The following CMTM8 variants were observed in gnomAD, a reference collection of about 807,000 sequenced individuals.
CMTM8 encodes CKLF-like MARVEL transmembrane domain-containing protein 8.
Under a neutral mutation model 18.6 loss-of-function variants are expected in CMTM8, and 12 were observed. The ratio of observed to expected loss-of-function variants is 0.65; its 90% CI spans 0.41 to 1.05. The LOEUF is 1.05. Ranked by LOEUF, CMTM8 falls within the 50% of genes least tolerant of loss-of-function variation. The pLI, the probability that CMTM8 is intolerant of heterozygous loss-of-function variation, is 0.00. For missense variants in CMTM8, 217 were observed against 227.2 expected, an observed-to-expected ratio of 0.95 and a Z score of 0.29; for synonymous variants, 87 against 90.6, an observed-to-expected ratio of 0.96 and a Z score of 0.23.
At chr3:32,337,171 C>A (rs1324960341) in intron 1 of CMTM8, among the ~76,000 whole-genome samples, 2 of 152,180 alleles carry the variant, frequency 1.3e-5, no homozygotes, top group Non-Finnish European at 1.5e-5. Context: ...TCCCAAAGAT[C>A]CCACCTCTCA....
intron 1 of CMTM8, among the ~76,000 whole-genome samples, chr3:32,330,059 T>G (rs1696242081): frequency 6.6e-6 from 1 of 152,002 alleles, no homozygotes; most frequent in South Asian, 2.1e-4. Flanking sequence ...TACAAAACAC[T>G]GCTGAAAGAA....
At chr3:32,331,493 G>A (rs1320836008) in intron 1 of CMTM8, among the ~76,000 whole-genome samples, 1 of 148,094 alleles carries the variant, frequency 6.8e-6, no homozygotes, top group Admixed American at 6.8e-5. Flanking sequence ...TTAAAGACAG[G>A]ATCTTTGAAT....
intron 1 of CMTM8, among the ~76,000 whole-genome samples, chr3:32,354,957 C>A (rs1302509254): frequency 2.6e-5 from 4 of 152,162 alleles, no homozygotes; most frequent in African/African-American, 9.7e-5. Context: ...CGGATGTAAA[C>A]ACAAAAGCAC....
At chr3:32,285,361 A>G (rs1157952182) in intron 1 of CMTM8, among the ~76,000 whole-genome samples, 1 of 152,094 alleles carries the variant, frequency 6.6e-6, no homozygotes, top group Non-Finnish European at 1.5e-5. Context: ...CTAAAAATAC[A>G]AAAATCAACT....
chr3:32,258,927 G>A, intron 1 of CMTM8: 1 of 304,476 alleles, frequency 3.3e-6, no homozygotes, highest in Non-Finnish European at 6.4e-6. Flanking sequence ...CCACCCCACT[G>A]CCCCCGGACA....
intron 1 of CMTM8, among the ~76,000 whole-genome samples, chr3:32,322,961 C>T (rs941873205): frequency 1.3e-5 from 2 of 152,138 alleles, no homozygotes; most frequent in African/African-American, 4.8e-5. Context: ...GGTGGGACCT[C>T]ATGGGATGCT....
At chr3:32,289,346 AT>A (rs1377269688) in intron 1 of CMTM8, among the ~76,000 whole-genome samples, 4 of 152,240 alleles carry the variant, frequency 2.6e-5, no homozygotes, top group African/African-American at 4.8e-5. Flanking sequence ...AAGTTTGAGA[AT>A]GAACTCTGCT....
chr3:32,301,086 A>T (rs748812744), intron 1 of CMTM8, among the ~76,000 whole-genome samples: 33 of 152,212 alleles, frequency 2.2e-4, no homozygotes, highest in Non-Finnish European at 4.0e-4. Context: ...TTGTCCAGTT[A>T]AGATGGGAAG....
chr3:32,270,380 A>G (rs1481271950), intron 1 of CMTM8, among the ~76,000 whole-genome samples: 1 of 152,226 alleles, frequency 6.6e-6, no homozygotes, highest in East Asian at 1.9e-4. Flanking sequence ...GTATATACCC[A>G]AAGGAGTATA....
intron 1 of CMTM8, among the ~76,000 whole-genome samples, chr3:32,328,549 G>GA (rs1274680775): frequency 3.0e-3 from 216 of 73,122 alleles, no homozygotes; most frequent in Admixed American, 4.2e-3. Flanking sequence ...GACCAAAAAA[G>GA]AAAAAAAAAA....
Position 32,369,982 on chromosome 3 carries a change from A to C in CMTM8, c.*15A>C. On this transcript the variant is annotated 3_prime_UTR_variant, in exon 4 of 4. Coordinates refer to ENST00000307526, the MANE Select transcript of CMTM8 (RefSeq NM_178868.5). ...CCATACAGTGATTTACCATTTTGAT[A>C]ATTAAAAGGAAAAAAAAAGGAAGAC... 6.7e-7 allele frequency: 1 copy of C among 1,481,554 alleles called. No individual in the cohort carries two copies. The highest frequency in any genetic ancestry group is 9.3e-7 in the Non-Finnish European group (1 of 1,075,342). The allele number at this position is 1,481,554 out of a possible 1,614,324, so 91.8% of individuals were successfully genotyped here.
At position 32,319,057 on chromosome 3, in the gene CMTM8, C is replaced by CATACATATATATATATAT. The variant is rs1206855049; in HGVS notation, c.148-38313_148-38312insCATATATATATATATATA. 2.4e-4 allele frequency among the ~76,000 whole-genome samples: 11 copies of CATACATATATATATATAT among 45,884 alleles called. 1 individual carries two copies. Among genetic ancestry groups the CATACATATATATATATAT allele is most frequent in the African/African-American group, 1.1e-3 (11 of 10,176 alleles). The allele number at this position is 45,884 out of a possible 152,430, so 30.1% of individuals were successfully genotyped here. A position where few individuals can be genotyped will look rare whatever the true frequency, so the allele number is the denominator to read the frequency against. On this transcript the variant is annotated intron_variant, in intron 1 of 3. Coordinates refer to ENST00000307526, the MANE Select transcript of CMTM8 (RefSeq NM_178868.5). ...AAATTTATATATATGTGTGTATATA[C>CATACATATATATATATAT]ATATATATATATATATATTTTTTTT...
chr3:32,307,598 T>C (rs1695741837), intron 1 of CMTM8, among the ~76,000 whole-genome samples: 1 of 152,118 alleles, frequency 6.6e-6, no homozygotes, highest in Non-Finnish European at 1.5e-5. Context: ...TGTGTAGGTA[T>C]GTAGCTTGAA....
chr3:32,352,022 C>G (rs1045687297), intron 1 of CMTM8, among the ~76,000 whole-genome samples: 4 of 151,574 alleles, frequency 2.6e-5, no homozygotes, highest in Non-Finnish European at 4.4e-5. Context: ...ACTAAAAATA[C>G]AAAAAATTAG....
chr3:32,289,425 T>C (rs768668683), intron 1 of CMTM8, among the ~76,000 whole-genome samples: 1 of 152,078 alleles, frequency 6.6e-6, no homozygotes, highest in African/African-American at 2.4e-5. Flanking sequence ...ATCAGGAAGC[T>C]TCAGAGAGCC....
chr3:32,295,484 C>CAA (rs1702862754), intron 1 of CMTM8, among the ~76,000 whole-genome samples: 2 of 86,398 alleles, frequency 2.3e-5, no homozygotes, highest in Non-Finnish European at 4.3e-5. Context: ...AAAAACAAAA[C>CAA]AAAACAGCGG....
chr3:32,356,647 A>ATC (rs1440582119), intron 1 of CMTM8, among the ~76,000 whole-genome samples: 1 of 152,176 alleles, frequency 6.6e-6, no homozygotes, highest in Non-Finnish European at 1.5e-5. Flanking sequence ...ACCACATGTT[A>ATC]CTGGCCATCT....
intron 1 of CMTM8, among the ~76,000 whole-genome samples, chr3:32,266,246 C>T (rs1225062113): frequency 1.6e-4 from 24 of 152,154 alleles, no homozygotes; most frequent in Admixed American, 1.6e-3. Context: ...CATCAAAAAG[C>T]TTATCCACCA....
In CMTM8 at chr3:32,238,735, C is replaced by T. The variant is rs927451843; in HGVS notation, c.-238C>T. 4 of 212,352 alleles carry T rather than the reference C, an allele frequency of 1.9e-5. No individual in the cohort carries two copies. The highest frequency in any genetic ancestry group is 7.0e-5 in the African/African-American group (3 of 42,640). The allele number at this position is 212,352 out of a possible 1,614,324, so 13.2% of individuals were successfully genotyped here. A position where few individuals can be genotyped will look rare whatever the true frequency, so the allele number is the denominator to read the frequency against. ...GCCTCCCCTCGCTCGCTCTCCTCTTCCTCTAGGGCCCCAGCGCAGCTCGGG... is the reference window on the plus strand; with the variant it reads ...GCCTCCCCTCGCTCGCTCTCCTCTTTCTCTAGGGCCCCAGCGCAGCTCGGG... On this transcript the variant is annotated 5_prime_UTR_variant, in exon 1 of 4. Coordinates refer to ENST00000307526, the MANE Select transcript of CMTM8 (RefSeq NM_178868.5).
Sources: gnomAD v4.1 joint callset for allele counts (sites outside exome capture counted in the v4.1 genomes callset) on GRCh38, gnomAD v4.1.1 for gene constraint, MANE v1.5 for transcripts, NCBI Gene and HGNC (gene_info 2026-07-23, HGNC 2026-07-21) for gene names.